Variants in ZNF521 observed in about 807,000 individuals in gnomAD.
ZNF521 encodes the protein zinc finger protein 521, also known as LYST-interacting protein 3.
A neutral mutation model predicts 105.5 loss-of-function variants in ZNF521; 14 were observed. The ratio of observed to expected loss-of-function variants is 0.13; its 90% CI spans 0.09 to 0.21. The LOEUF is 0.21. Among genes scored for constraint, ZNF521 ranks in the 10% least tolerant of loss-of-function variants. The pLI, the probability that ZNF521 is intolerant of heterozygous loss-of-function variation, is 1.00. For missense variants in ZNF521, 1,233 were observed against 1,629.7 expected, an observed-to-expected ratio of 0.76 and a Z score of 4.19; for synonymous variants, 635 against 606.0, an observed-to-expected ratio of 1.05 and a Z score of -0.70.
Position 25,322,042 on chromosome 18 carries a change from G to A in ZNF521, c.186C>T (p.Ile62=). The change falls in exon 3 of 8, where the codon ATC becomes ATT. Residue 62 remains isoleucine, a synonymous_variant. Coordinates refer to ENST00000361524, the MANE Select transcript of ZNF521 (RefSeq NM_015461.3). ...GACATTGATTAATCTTGTGTTCTGT[G>A]ATATCGCTCAGCGATTCAAACACCT... ...CLQVFESLSD[I]TEHKINQCQL... is the part of the protein sequence containing the mutation. The A allele has an allele frequency of 6.2e-7, 1 of 1,614,150 alleles. No individual in the cohort carries two copies. The highest frequency in any genetic ancestry group is 8.5e-7 in the Non-Finnish European group (1 of 1,180,026).
chr18:25,193,261 A>G (rs574474821), intron 5 of ZNF521, among the ~76,000 whole-genome samples: 5 of 152,290 alleles, frequency 3.3e-5, no homozygotes, highest in Non-Finnish European at 7.4e-5. Context: ...TGGAAAATCA[A>G]AAAGTCCTGT....
At position 25,266,170 on chromosome 18, in the gene ZNF521, TA is replaced by T. The variant is rs564827133; in HGVS notation, c.221-38474del. 4.2e-3 allele frequency among the ~76,000 whole-genome samples: 644 copies of T among 152,298 alleles called. 4 individuals are homozygous for T. The highest frequency in any genetic ancestry group is 0.015 in the African/African-American group (626 of 41,562). On this transcript the variant is annotated intron_variant, in intron 3 of 7. Transcript: ENST00000361524. The stretch of plus-strand genomic sequence containing the variant: ...TCAATAAAAACTTAACTGTATATTT[TA>T]AACTAACTTATAAAGAGTATAATTG...
chr18:25,346,176 CT>C (rs145645689), intron 2 of ZNF521, among the ~76,000 whole-genome samples: 4 of 150,524 alleles, frequency 2.7e-5, no homozygotes, highest in African/African-American at 7.3e-5. Context: ...AACTTGGGGG[CT>C]TTTTTTTTCT....
At chr18:25,106,642 C>T (rs1236507612) in intron 5 of ZNF521, among the ~76,000 whole-genome samples, 2 of 152,134 alleles carry the variant, frequency 1.3e-5, no homozygotes, top group Admixed American at 6.6e-5. Flanking sequence ...TATAAGAAAG[C>T]AGGTCACGAA....
intron 3 of ZNF521, among the ~76,000 whole-genome samples, chr18:25,271,417 C>T (rs1171230062): frequency 7.2e-5 from 11 of 152,112 alleles, no homozygotes; most frequent in Admixed American, 7.2e-4. Flanking sequence ...GAAAAAACTA[C>T]TTGAAATTTC....
chr18:25,212,378 C>CAG (rs2036196312), intron 4 of ZNF521, among the ~76,000 whole-genome samples: 1 of 149,882 alleles, frequency 6.7e-6, no homozygotes, highest in South Asian at 2.1e-4. Context: ...GGCATGGTGG[C>CAG]GCACACCTGT....
chr18:25,296,082 C>T (rs1911306519), intron 3 of ZNF521, among the ~76,000 whole-genome samples: 1 of 152,148 alleles, frequency 6.6e-6, no homozygotes, highest in Non-Finnish European at 1.5e-5. Context: ...AAGGTATGCC[C>T]TTCTATTCAC....
At chr18:25,278,379 T>A (rs927993602) in intron 3 of ZNF521, among the ~76,000 whole-genome samples, 2 of 152,172 alleles carry the variant, frequency 1.3e-5, no homozygotes, top group African/African-American at 4.8e-5. Context: ...TAACCCCCAC[T>A]CTCTACCCAC....
chr18:25,218,482 T>TAAA (rs35500329), intron 4 of ZNF521, among the ~76,000 whole-genome samples: 15 of 79,816 alleles, frequency 1.9e-4, no homozygotes, highest in African/African-American at 2.6e-4. Flanking sequence ...TCGAGCCTAC[T>TAAA]AAAAAAAAAA....
chr18:25,090,758 C>T (rs780458303), intron 6 of ZNF521, among the ~76,000 whole-genome samples: 38 of 152,150 alleles, frequency 2.5e-4, no homozygotes, highest in Non-Finnish European at 4.7e-4. Flanking sequence ...GGGTCTTAAT[C>T]GTGAGGTGAC....
rs75198467 is a variant in ZNF521, at chr18:25,247,020, G to A, written c.221-19323C>T. ...AATGAACTAGTGAATACATTTTCAG[G>A]TGTGTTCTAGCTACCACCCCAGTCC... On this transcript the variant is annotated intron_variant, in intron 3 of 7. Transcript: ENST00000361524. Among the ~76,000 whole-genome samples, 1,047 of 152,236 alleles carry A rather than the reference G, an allele frequency of 6.9e-3. 13 individuals are homozygous for A. Among genetic ancestry groups the A allele is most frequent in the African/African-American group, 0.024 (992 of 41,540 alleles).
At chr18:25,185,104 A>T (rs1042063236) in intron 5 of ZNF521, among the ~76,000 whole-genome samples, 1 of 152,214 alleles carries the variant, frequency 6.6e-6, no homozygotes, top group African/African-American at 2.4e-5. Context: ...TTTAAGAAGT[A>T]ATCCCATCTA....
chr18:25,174,260 G>A (rs1180572470), intron 5 of ZNF521, among the ~76,000 whole-genome samples: 2 of 152,098 alleles, frequency 1.3e-5, no homozygotes, highest in African/African-American at 4.8e-5. Context: ...TTCCTTTCGA[G>A]GAGCACTAAC....
intron 3 of ZNF521, among the ~76,000 whole-genome samples, chr18:25,281,640 C>T (rs1910386593): frequency 6.6e-6 from 1 of 152,162 alleles, no homozygotes; most frequent in South Asian, 2.1e-4. Flanking sequence ...CTATTAGTAG[C>T]TCCATTTTAC....
At chr18:25,111,403 G>A (rs1268820872) in intron 5 of ZNF521, among the ~76,000 whole-genome samples, 2 of 152,078 alleles carry the variant, frequency 1.3e-5, no homozygotes, top group Admixed American at 6.5e-5. Context: ...TGTGTTTAAC[G>A]AAAATTCTGA....
chr18:25,258,216 C>CGAA (rs1908656433), intron 3 of ZNF521, among the ~76,000 whole-genome samples: 1 of 152,144 alleles, frequency 6.6e-6, no homozygotes, highest in African/African-American at 2.4e-5. Flanking sequence ...TGCTTTGTTT[C>CGAA]ACATTTAGTA....
intron 3 of ZNF521, among the ~76,000 whole-genome samples, chr18:25,239,426 G>T (rs966034796): frequency 6.6e-6 from 1 of 152,184 alleles, no homozygotes; most frequent in Admixed American, 6.5e-5. Context: ...TTTTGTTGAT[G>T]ATTACTTTCA....
intron 3 of ZNF521, among the ~76,000 whole-genome samples, chr18:25,276,922 C>T (rs1910066212): frequency 6.6e-6 from 1 of 152,164 alleles, no homozygotes; most frequent in Non-Finnish European, 1.5e-5. Flanking sequence ...GTGGCTCACG[C>T]CTATAATCCC....
In ZNF521 at chr18:25,215,029, G is replaced by A. The variant is rs62083906; in HGVS notation, c.3573+9316C>T. ...ATAGTTGGAGTTGATTAAAGGGCTA[G>A]CAGAAGCTTCAACTGGTAATGTGAA... On this transcript the variant is annotated intron_variant, in intron 4 of 7. Transcript: ENST00000361524. Among the ~76,000 whole-genome samples, 1,088 of 152,254 alleles carry A rather than the reference G, an allele frequency of 7.1e-3. 6 individuals are homozygous for A. Among genetic ancestry groups the A allele is most frequent in the Non-Finnish European group, 0.012 (799 of 68,016 alleles).
Sources: allele counts gnomAD v4.1 joint callset (sites outside exome capture counted in the v4.1 genomes callset), GRCh38; gene constraint gnomAD v4.1.1; transcripts MANE v1.5; gene names NCBI Gene and HGNC (gene_info 2026-07-23, HGNC 2026-07-21).